Variants in MAPKAP1 observed in about 807,000 individuals in gnomAD.
MAPKAP1 encodes the protein target of rapamycin complex 2 subunit MAPKAP1.
MAPKAP1 carries 20 observed loss-of-function variants against 65.7 expected under a neutral mutation model. The ratio of observed to expected loss-of-function variants is 0.30; its 90% confidence interval spans 0.21 to 0.44. The LOEUF is 0.44. Ranked by LOEUF, MAPKAP1 falls within the 20% of genes least tolerant of loss-of-function variation. The pLI is 1.00. For missense variants in MAPKAP1, 423 were observed against 648.0 expected, an observed-to-expected ratio of 0.65 and a Z score of 3.77; for synonymous variants, 222 against 244.3, an observed-to-expected ratio of 0.91 and a Z score of 0.85.
At chr9:125,680,424 T>C (rs1249202217) in intron 1 of MAPKAP1, among the ~76,000 whole-genome samples, 5 of 152,188 alleles carry the variant, frequency 3.3e-5, no homozygotes, top group Admixed American at 6.5e-5. Flanking sequence ...TTATTGCTTT[T>C]AAATCTCTTT....
intron 8 of MAPKAP1, among the ~76,000 whole-genome samples, chr9:125,502,904 G>T (rs1455866793): frequency 6.6e-6 from 1 of 151,778 alleles, no homozygotes; most frequent in African/African-American, 2.4e-5. Context: ...TTGGAGACCT[G>T]TATATTTTTC....
rs1183705171 is a variant in MAPKAP1 at position 125,666,365 on chromosome 9, T to C, written c.349+3453A>G. On this transcript the variant is annotated intron_variant, in intron 3 of 11. Coordinates refer to ENST00000265960, the MANE Select transcript of MAPKAP1 (RefSeq NM_001006617.3). The stretch of plus-strand genomic sequence containing the variant: ...TGTGTCTTAAAGGATAAACTGGATG[T>C]TGACAGAATAATTGTGGAAGAAGAA... 2.0e-5 allele frequency among the ~76,000 whole-genome samples: 3 copies of C among 152,192 alleles called. No homozygotes were observed. The East Asian group carries it at 5.8e-4, about 29-fold the overall frequency.
At chr9:125,534,194 C>T (rs1023211100) in intron 7 of MAPKAP1, among the ~76,000 whole-genome samples, 3 of 152,212 alleles carry the variant, frequency 2.0e-5, no homozygotes, top group East Asian at 1.9e-4. Context: ...AACAGGAATC[C>T]TGTCCACATG....
chr9:125,585,185 G>A (rs1444839878), intron 5 of MAPKAP1, among the ~76,000 whole-genome samples: 2 of 152,094 alleles, frequency 1.3e-5, no homozygotes, highest in East Asian at 1.9e-4. Flanking sequence ...CAGGGAGCTG[G>A]GAGGATCAAA....
intron 6 of MAPKAP1, 49 bp downstream of exon 6, chr9:125,559,584 T>TA: frequency 6.5e-7 from 1 of 1,538,412 alleles, no homozygotes; most frequent in South Asian, 1.2e-5. Flanking sequence ...TCCAAAATGC[T>TA]AGAAGGTTGG....
intron 10 of MAPKAP1, among the ~76,000 whole-genome samples, chr9:125,459,563 G>A (rs906603883): frequency 2.6e-5 from 4 of 152,102 alleles, no homozygotes; most frequent in African/African-American, 4.8e-5. Flanking sequence ...CTGCAATCCC[G>A]GCACCTCAGG....
chr9:125,640,858 G>C (rs1395380962), intron 4 of MAPKAP1, among the ~76,000 whole-genome samples: 1 of 152,210 alleles, frequency 6.6e-6, no homozygotes, highest in Non-Finnish European at 1.5e-5. Context: ...GGGAAATTTA[G>C]AGACTCTAAT....
intron 4 of MAPKAP1, among the ~76,000 whole-genome samples, chr9:125,651,079 G>A (rs754963675): frequency 4.6e-5 from 7 of 152,058 alleles, no homozygotes; most frequent in Non-Finnish European, 8.8e-5. Context: ...TGATCCTTCC[G>A]CCTCAGCCTC....
chr9:125,634,122 CT>C (rs1475435195), intron 4 of MAPKAP1, among the ~76,000 whole-genome samples: 2 of 152,184 alleles, frequency 1.3e-5, no homozygotes, highest in African/African-American at 2.4e-5. Context: ...GCTAAGACCA[CT>C]GTTAATTTGT....
At chr9:125,665,892 T>A (rs909887786) in intron 3 of MAPKAP1, among the ~76,000 whole-genome samples, 2 of 152,232 alleles carry the variant, frequency 1.3e-5, no homozygotes, top group African/African-American at 2.4e-5. Flanking sequence ...GCATTATTAT[T>A]TAACTTCATG....
At chr9:125,562,337 T>C (rs1356113873) in intron 5 of MAPKAP1, among the ~76,000 whole-genome samples, 1 of 152,148 alleles carries the variant, frequency 6.6e-6, no homozygotes, top group Non-Finnish European at 1.5e-5. Flanking sequence ...TCAAAACACA[T>C]TTGTAAAGTG....
In MAPKAP1 at chr9:125,468,060, G is replaced by A. The variant is rs1251872514; in HGVS notation, c.1257C>T (p.Ala419=). 6.2e-7 allele frequency: 1 copy of A among 1,614,160 alleles called. No individual in the cohort carries two copies. The highest frequency in any genetic ancestry group is 8.5e-7 in the Non-Finnish European group (1 of 1,180,012). ...TCTGCTTAATCCAAAACTTAGTGCT[G>A]GCTTTCTGATTCGTAACAGGGTCTA... The part of the protein sequence containing the change: ...VEIDPVTNQK[A]STKFWIKQKP... Residue 419 remains alanine (A), a synonymous_variant, in exon 10 of 12, where the codon GCC becomes GCT. Coordinates refer to ENST00000265960, the MANE Select transcript of MAPKAP1 (RefSeq NM_001006617.3).
intron 5 of MAPKAP1, among the ~76,000 whole-genome samples, chr9:125,572,004 TTCTC>T (rs1231158489): frequency 1.3e-5 from 2 of 152,244 alleles, no homozygotes; most frequent in African/African-American, 4.8e-5. Flanking sequence ...GCATATTTGT[TTCTC>T]TCTACCTGAT....
chr9:125,637,800 A>T (rs537379054), intron 4 of MAPKAP1, among the ~76,000 whole-genome samples: 2 of 152,132 alleles, frequency 1.3e-5, no homozygotes, highest in Non-Finnish European at 2.9e-5. Context: ...TCTGAGACGG[A>T]ATCTCGCTGT....
intron 4 of MAPKAP1, among the ~76,000 whole-genome samples, chr9:125,642,000 C>A (rs1167954554): frequency 6.6e-6 from 1 of 152,092 alleles, no homozygotes; most frequent in South Asian, 2.1e-4. Context: ...CCACTGCACT[C>A]CAACATGGGC....
chr9:125,573,664 C>T (rs929046408), intron 5 of MAPKAP1, among the ~76,000 whole-genome samples: 1 of 152,208 alleles, frequency 6.6e-6, no homozygotes, highest in Non-Finnish European at 1.5e-5. Flanking sequence ...CTGTAACAAT[C>T]CCACTCTGTT....
intron 5 of MAPKAP1, among the ~76,000 whole-genome samples, chr9:125,579,988 T>C (rs1020057301): frequency 6.6e-6 from 1 of 152,184 alleles, no homozygotes; most frequent in African/African-American, 2.4e-5. Flanking sequence ...ACCAGGGAAA[T>C]TGACATTGGT....
chr9:125,599,073 T>G (rs147871288), intron 4 of MAPKAP1, among the ~76,000 whole-genome samples: 1 of 151,992 alleles, frequency 6.6e-6, no homozygotes, highest in Non-Finnish European at 1.5e-5. Context: ...CACTTATTAC[T>G]GTGCCTAGTC....
intron 5 of MAPKAP1, chr9:125,573,097 A>G (rs1831286514): frequency 8.4e-6 from 1 of 119,634 alleles, no homozygotes; most frequent in African/African-American, 4.2e-5. Context: ...CTCTTATAAA[A>G]GGGGGGGGGG....
Sources: allele counts gnomAD v4.1 joint callset (sites outside exome capture counted in the v4.1 genomes callset), GRCh38; gene constraint gnomAD v4.1.1; transcripts MANE v1.5; gene names NCBI Gene and HGNC (gene_info 2026-07-23, HGNC 2026-07-21).